KATNIP: variants seen among roughly 807,000 people sequenced by gnomAD.
The protein encoded by KATNIP is katanin interacting protein, also known as katanin-interacting protein.
A neutral mutation model predicts 174.0 loss-of-function variants in KATNIP; 126 were observed. That is an observed-to-expected ratio of 0.72 (90% CI 0.63 to 0.84). The LOEUF (loss-of-function observed/expected upper bound fraction) is 0.84, where lower values mean the gene tolerates loss of function less well. Among genes scored for constraint, KATNIP ranks in the 40% least tolerant of loss-of-function variants. The pLI, the probability that KATNIP is intolerant of heterozygous loss-of-function variation, is 0.00. For synonymous variants in KATNIP, 810 were observed against 835.7 expected, an observed-to-expected ratio of 0.97 and a Z score of 0.53; for missense variants, 1,958 against 2,109.7, an observed-to-expected ratio of 0.93 and a Z score of 1.41.
At chr16:27,617,331 G>A (rs765165644) in intron 2 of KATNIP, among the ~76,000 whole-genome samples, 10 of 152,112 alleles carry the variant, frequency 6.6e-5, no homozygotes, top group South Asian at 6.2e-4. Flanking sequence ...ATTCTCAGGC[G>A]GTTCCAGGCC....
intron 11 of KATNIP, 129 bp from the exon 12 acceptor site, chr16:27,703,767 A>G: frequency 1.4e-6 from 1 of 713,116 alleles, no homozygotes; most frequent in South Asian, 1.7e-5. Context: ...TTGCCTTTGA[A>G]CTGGATACAG....
At chr16:27,630,958 C>A in intron 4 of KATNIP, 107 bp from the exon 5 acceptor site, 1 of 819,438 alleles carries the variant, frequency 1.2e-6, no homozygotes, top group Non-Finnish European at 2.0e-6. Context: ...ATACACAAGA[C>A]TTTGGGCACA....
At chr16:27,654,567 A>G (rs758097727) in intron 6 of KATNIP, 2 of 1,351,052 alleles carry the variant, frequency 1.5e-6, no homozygotes, top group Middle Eastern at 2.1e-4. Flanking sequence ...AGGGACAGGA[A>G]GTTGTTTTTA....
chr16:27,736,642 G>A (rs139017007), intron 14 of KATNIP, among the ~76,000 whole-genome samples: 4 of 152,296 alleles, frequency 2.6e-5, no homozygotes, highest in South Asian at 2.1e-4. Context: ...GCCAGGAGCC[G>A]GAGTCAGAGA....
At chr16:27,722,724 A>G (rs1209266025) in intron 14 of KATNIP, among the ~76,000 whole-genome samples, 1 of 152,218 alleles carries the variant, frequency 6.6e-6, no homozygotes, top group African/African-American at 2.4e-5. Context: ...TGGCAAGCCC[A>G]TGCCTCAGGG....
Position 27,573,953 on chromosome 16 carries a change from G to A in KATNIP, c.60G>A (p.Lys20=). ...ERSWSCSREK[K]EGYAKDMVTD... ...GCTGGTCCTGCTCACGAGAGAAAAA[G>A]GAGGTAAATGTGTCCCTGGCGAGGG... Residue 20 remains lysine (K), a synonymous_variant, in exon 2 of 28, where the codon AAG becomes AAA. Transcript: ENST00000261588. The A allele has an allele frequency of 6.2e-7, 1 of 1,614,080 alleles. No individual in the cohort carries two copies. Among genetic ancestry groups the A allele is most frequent in the Non-Finnish European group, 8.5e-7 (1 of 1,179,980 alleles).
intron 5 of KATNIP, among the ~76,000 whole-genome samples, chr16:27,645,646 C>A (rs1421310426): frequency 6.6e-6 from 1 of 152,188 alleles, no homozygotes; most frequent in Admixed American, 6.5e-5. Context: ...AGTAACCCAG[C>A]TTCTCTGTTG....
intron 2 of KATNIP, among the ~76,000 whole-genome samples, chr16:27,600,617 G>A (rs1275794292): frequency 1.3e-5 from 2 of 151,838 alleles, no homozygotes; most frequent in African/African-American, 4.8e-5. Flanking sequence ...TTCTCCTGGT[G>A]AGCTCTTTTA....
At chr16:27,669,989 A>G (rs1352308914) in intron 6 of KATNIP, among the ~76,000 whole-genome samples, 6 of 152,164 alleles carry the variant, frequency 3.9e-5, no homozygotes, top group Non-Finnish European at 8.8e-5. Flanking sequence ...CGCCTGGCCT[A>G]TATATATTTT....
intron 15 of KATNIP, among the ~76,000 whole-genome samples, chr16:27,748,361 G>A (rs534898909): frequency 4.6e-5 from 7 of 152,318 alleles, no homozygotes; most frequent in South Asian, 4.1e-4. Context: ...TGAGGCAGGC[G>A]AATCGCTTGA....
At position 27,779,745 on chromosome 16, in the gene KATNIP, G is replaced by C. The variant is rs748770062; in HGVS notation, c.*1116G>C. On this transcript the variant is annotated 3_prime_UTR_variant, in exon 28 of 28. Coordinates refer to ENST00000261588, the MANE Select transcript of KATNIP (RefSeq NM_015202.5). ...AGCCCAGAACGCATCTATATGCATC[G>C]ATGTAACAAGCTCGGATCAGGGACC... 6.6e-6 allele frequency: 1 copy of C among 151,758 alleles called. No individual in the cohort carries two copies. Among genetic ancestry groups the C allele is most frequent in the South Asian group, 2.1e-4 (1 of 4,824 alleles). 9.4% of individuals were successfully genotyped at this position (151,758 alleles called of 1,614,324 possible). A position where few individuals can be genotyped will look rare whatever the true frequency, so the allele number is the denominator to read the frequency against.
chr16:27,709,947 T>G (rs1053383710), intron 13 of KATNIP, among the ~76,000 whole-genome samples: 2 of 152,184 alleles, frequency 1.3e-5, no homozygotes, highest in Non-Finnish European at 2.9e-5. Context: ...TGGAAGGTAG[T>G]GGAGCCAAGT....
At chr16:27,701,909 C>T (rs1287787936) in intron 11 of KATNIP, among the ~76,000 whole-genome samples, 1 of 152,214 alleles carries the variant, frequency 6.6e-6, no homozygotes, top group Non-Finnish European at 1.5e-5. Flanking sequence ...CCTCCAGCCT[C>T]AGCCTCCTGA....
intron 2 of KATNIP, among the ~76,000 whole-genome samples, chr16:27,610,194 G>T (rs2075848257): frequency 6.6e-6 from 1 of 152,156 alleles, no homozygotes; most frequent in South Asian, 2.1e-4. Context: ...AGGCCCCCCA[G>T]GTGGCAGCAG....
intron 14 of KATNIP, among the ~76,000 whole-genome samples, chr16:27,723,177 C>A (rs1055800883): frequency 1.2e-4 from 19 of 152,150 alleles, no homozygotes; most frequent in Non-Finnish European, 2.8e-4. Context: ...CAGCAGCCAC[C>A]AGGGCGATCC....
chr16:27,652,004 G>A (rs192773120), intron 6 of KATNIP, among the ~76,000 whole-genome samples: 2 of 152,358 alleles, frequency 1.3e-5, no homozygotes, highest in Admixed American at 6.5e-5. Context: ...ACAGGCGTGA[G>A]CCACCATGCC....
At chr16:27,697,573 G>GTA (rs1244890061) in intron 8 of KATNIP, among the ~76,000 whole-genome samples, 3 of 149,386 alleles carry the variant, frequency 2.0e-5, no homozygotes, top group African/African-American at 7.3e-5. Flanking sequence ...TATATTCTAT[G>GTA]TATATATATA....
At chr16:27,778,082 C>T in intron 27 of KATNIP, 113 bp downstream of exon 27, 1 of 895,776 alleles carries the variant, frequency 1.1e-6, no homozygotes, top group South Asian at 1.6e-5. Flanking sequence ...CTAGACCGCT[C>T]TCCTCTGCCC....
At chr16:27,617,955 C>G (rs958029448) in intron 2 of KATNIP, among the ~76,000 whole-genome samples, 6 of 152,122 alleles carry the variant, frequency 3.9e-5, no homozygotes, top group African/African-American at 1.4e-4. Context: ...CCAGGTTAGT[C>G]TGAAACTCCT....
Sources: gnomAD v4.1 joint callset for allele counts (sites outside exome capture counted in the v4.1 genomes callset) on GRCh38, gnomAD v4.1.1 for gene constraint, MANE v1.5 for transcripts, NCBI Gene and HGNC (gene_info 2026-07-23, HGNC 2026-07-21) for gene names.